The following JPH2 variants were observed in gnomAD, a reference collection of about 807,000 sequenced individuals.
The protein encoded by JPH2 is junctophilin-2.
In JPH2, 38 loss-of-function variants were observed where a neutral mutation model predicts 55.9. The ratio of observed to expected loss-of-function variants is 0.68; its 90% CI spans 0.52 to 0.89. The LOEUF (loss-of-function observed/expected upper bound fraction) is 0.89. JPH2 is among the 40% of genes least tolerant of loss of function. The pLI, the probability that JPH2 is intolerant of heterozygous loss-of-function variation, is 0.00. For synonymous variants in JPH2, 480 were observed against 472.4 expected (o/e 1.02, Z -0.21); for missense variants, 964 against 1,037.6 (o/e 0.93, Z 0.97).
rs1423407845 is a variant in JPH2 at position 44,115,900 on chromosome 20, G to A, written c.1775C>T (p.Ser592Phe). 1.3e-6 allele frequency: 2 copies of A among 1,576,230 alleles called. No individual in the cohort carries two copies. The highest frequency in any genetic ancestry group is 3.5e-5 in the Admixed American group (2 of 56,546). ...EDQPEPEVSG[S>F]ESAPSSPATA... Reference sequence around the variant, plus strand: ...GGCCGGGGACGAGGGCGCGGACTCGGACCCGGAGACCTCGGGCTCGGGCTG... The same window carrying A: ...GGCCGGGGACGAGGGCGCGGACTCGAACCCGGAGACCTCGGGCTCGGGCTG... The change falls in exon 4 of 6, where the codon TCC (serine) becomes TTC (phenylalanine). Residue 592 changes from serine (S) to phenylalanine (F), a missense_variant. By Grantham distance (155) the Ser-to-Phe change is radical. Transcript: ENST00000372980.
In JPH2 at chr20:44,186,907, G is replaced by T. The variant is rs970679327; in HGVS notation, c.-202C>A. On this transcript the variant is annotated 5_prime_UTR_variant, in exon 1 of 6. Coordinates refer to ENST00000372980, the MANE Select transcript of JPH2 (RefSeq NM_020433.5). Reference sequence around the variant, plus strand: ...CACCGGGTCGGCTAGTCAGTGCCATGCCCGGGAGCCCCGACTCCACCAGCC... The same window carrying T: ...CACCGGGTCGGCTAGTCAGTGCCATTCCCGGGAGCCCCGACTCCACCAGCC... The T allele has an allele frequency of 1.6e-6, 1 of 606,288 alleles. No individual in the cohort carries two copies. The highest frequency in any genetic ancestry group is 2.9e-6 in the Non-Finnish European group (1 of 342,848). The allele number at this position is 606,288 out of a possible 1,614,324, so 37.6% of individuals were successfully genotyped here. A position where few individuals can be genotyped will look rare whatever the true frequency, so the allele number is the denominator to read the frequency against.
In JPH2 at chr20:44,160,252, A is replaced by C. The variant is rs1272379812; in HGVS notation, c.535T>G (p.Ser179Ala). ...EHSNGTVAPDSPASPASDGPA... is the reference protein window; with the variant it reads ...EHSNGTVAPDAPASPASDGPA... Reference sequence around the variant, plus strand: ...CCGTCGGAGGCCGGCGAGGCGGGAGAGTCCGGGGCCACCGTGCCGTTGCTG... The same window carrying C: ...CCGTCGGAGGCCGGCGAGGCGGGAGCGTCCGGGGCCACCGTGCCGTTGCTG... Residue 179 changes from serine (S) to alanine (A), a missense_variant, in exon 2 of 6, where the codon TCT becomes GCT. By Grantham distance (99) the Ser-to-Ala change is moderately conservative. Transcript: ENST00000372980. The surrounding 1 kb of genome is among the most constrained non-coding windows in gnomAD (Gnocchi z 4.9). 1 of 1,516,628 alleles carries C rather than the reference A, an allele frequency of 6.6e-7. No individual in the cohort carries two copies. The highest frequency in any genetic ancestry group is 1.4e-5 in the African/African-American group (1 of 70,646). 93.9% of individuals were successfully genotyped at this position (1,516,628 alleles called of 1,614,324 possible). A position where few individuals can be genotyped will look rare whatever the true frequency, so the allele number is the denominator to read the frequency against.
At chr20:44,113,880 A>G (rs2072165626) in intron 5 of JPH2, among the ~76,000 whole-genome samples, 1 of 152,232 alleles carries the variant, frequency 6.6e-6, no homozygotes, top group African/African-American at 2.4e-5. Context: ...GCAGAGCTCA[A>G]GTGTTCACCC....
chr20:44,135,936 G>A (rs2072409918), intron 2 of JPH2, among the ~76,000 whole-genome samples: 1 of 152,230 alleles, frequency 6.6e-6, no homozygotes, highest in African/African-American at 2.4e-5. Context: ...CAGGCCCATT[G>A]TAAGTGCTTG....
intron 5 of JPH2, among the ~76,000 whole-genome samples, chr20:44,114,196 T>C (rs1483383608): frequency 6.6e-6 from 1 of 151,948 alleles, no homozygotes; most frequent in African/African-American, 2.4e-5. Flanking sequence ...CCCAGCTCCA[T>C]CATGGGGAAA....
intron 2 of JPH2, among the ~76,000 whole-genome samples, chr20:44,129,447 A>G (rs537078164): frequency 6.6e-6 from 1 of 150,960 alleles, no homozygotes; most frequent in South Asian, 2.1e-4. Flanking sequence ...CCTAGCTACT[A>G]GAGAGGCTGA....
intron 1 of JPH2, among the ~76,000 whole-genome samples, chr20:44,170,014 G>T (rs773571254): frequency 6.6e-6 from 1 of 152,140 alleles, no homozygotes; most frequent in Admixed American, 6.5e-5. Context: ...AATACATTTT[G>T]TTTCTTATAA....
chr20:44,153,601 A>G (rs2072545898), intron 2 of JPH2, among the ~76,000 whole-genome samples: 1 of 152,184 alleles, frequency 6.6e-6, no homozygotes, highest in Admixed American at 6.5e-5. Flanking sequence ...AAAACCTGAG[A>G]TGCTCCAAAC....
rs963032906 is a variant in JPH2 at position 44,115,530 on chromosome 20, C to T, written c.2010+135G>A. On this transcript the variant is annotated intron_variant, in intron 4 of 5. Transcript: ENST00000372980. Reference sequence around the variant, plus strand: ...GCTCCCCTAATCCCCAGCCCTGCAGCATTTCCTCCTGCTCTATCCTGCTTC... The same window carrying T: ...GCTCCCCTAATCCCCAGCCCTGCAGTATTTCCTCCTGCTCTATCCTGCTTC... The T allele has an allele frequency of 2.0e-5, 24 of 1,224,990 alleles. No individual in the cohort carries two copies. In the Admixed American group the frequency reaches 2.9e-4, roughly 15 times the overall value. The allele number at this position is 1,224,990 out of a possible 1,614,324, so 75.9% of individuals were successfully genotyped here.
At chr20:44,184,746 T>G (rs2072817756) in intron 1 of JPH2, among the ~76,000 whole-genome samples, 1 of 152,162 alleles carries the variant, frequency 6.6e-6, no homozygotes, top group Admixed American at 6.5e-5. Context: ...TTCTGAGCCT[T>G]TGTCTTCACT....
rs567981046 is a variant in JPH2, at chr20:44,108,873, T to C, written c.*4645A>G. ...TCACGACACTCTCTCCAGACCTGTT[T>C]CCCCATATGAAAAACAGGGGGCCAG... On this transcript the variant is annotated 3_prime_UTR_variant, in exon 6 of 6. Transcript: ENST00000372980. Among the ~76,000 whole-genome samples, 1 of 152,246 alleles carries C rather than the reference T, an allele frequency of 6.6e-6. No homozygotes were observed. The highest frequency in any genetic ancestry group is 1.9e-4 in the East Asian group (1 of 5,180).
chr20:44,154,979 G>A (rs1444351676), intron 2 of JPH2, among the ~76,000 whole-genome samples: 3 of 151,838 alleles, frequency 2.0e-5, no homozygotes, highest in Non-Finnish European at 2.9e-5. Context: ...CTCACTTCCC[G>A]GCTGTGGGCC....
intron 2 of JPH2, among the ~76,000 whole-genome samples, chr20:44,123,935 T>G (rs1224300920): frequency 6.6e-6 from 1 of 152,128 alleles, no homozygotes; most frequent in Non-Finnish European, 1.5e-5. Flanking sequence ...ATCAAGGCCC[T>G]GCTGGGGAAA....
chr20:44,157,274 C>A (rs942853845), intron 2 of JPH2, among the ~76,000 whole-genome samples: 1 of 152,160 alleles, frequency 6.6e-6, no homozygotes, highest in Admixed American at 6.5e-5. Flanking sequence ...AGCTGTCCAG[C>A]CCTAGTCAAG....
rs1227598771 is a variant in JPH2 at position 44,108,888 on chromosome 20, CAG to C, written c.*4628_*4629del. Reference sequence around the variant, plus strand: ...CAGACCTGTTTCCCCATATGAAAAACAGGGGGCCAGATGAGCTGATATCTTAG... The same window carrying C: ...CAGACCTGTTTCCCCATATGAAAAACGGGGCCAGATGAGCTGATATCTTAG... On this transcript the variant is annotated 3_prime_UTR_variant, in exon 6 of 6. Coordinates refer to ENST00000372980, the MANE Select transcript of JPH2 (RefSeq NM_020433.5). Among the ~76,000 whole-genome samples, 7 of 152,198 alleles carry C rather than the reference CAG, an allele frequency of 4.6e-5. No individual in the cohort carries two copies. Among genetic ancestry groups the C allele is most frequent in the Admixed American group, 1.3e-4 (2 of 15,278 alleles).
chr20:44,108,371 AATT>A lies in JPH2; in HGVS notation c.*5144_*5146del, dbSNP rs2072120848. Among the ~76,000 whole-genome samples the A allele has an allele frequency of 1.3e-5, 2 of 151,938 alleles. No homozygotes were observed. Among genetic ancestry groups the A allele is most frequent in the Admixed American group, 1.3e-4 (2 of 15,244 alleles). The stretch of plus-strand genomic sequence containing the variant: ...GTGAGTTCTGTGAGTCTTTCTAGTG[AATT>A]ATTGAGTATGAGGATAATCATAGGA... On this transcript the variant is annotated 3_prime_UTR_variant, in exon 6 of 6. Coordinates refer to ENST00000372980, the MANE Select transcript of JPH2 (RefSeq NM_020433.5).
Position 44,159,929 on chromosome 20 carries a change from G to A in JPH2, c.858C>T (p.Thr286=). The A allele has an allele frequency of 6.4e-7, 1 of 1,562,804 alleles. No individual in the cohort carries two copies. Among genetic ancestry groups the A allele is most frequent in the Non-Finnish European group, 8.6e-7 (1 of 1,158,256 alleles). ...AAPFEADIDA[T]TTETYMGEWK... ...ACTCGCCCATGTAGGTCTCGGTGGTGGTGGCGTCGATATCGGCCTCGAAGG... is the reference window on the plus strand; with the variant it reads ...ACTCGCCCATGTAGGTCTCGGTGGTAGTGGCGTCGATATCGGCCTCGAAGG... Residue 286 remains threonine (T), a synonymous_variant, in exon 2 of 6, where the codon ACC becomes ACT. Transcript: ENST00000372980. This position sits in a 1 kb window ranked among gnomAD's most constrained non-coding sequence, Gnocchi z 5.7.
At chr20:44,121,918 G>A (rs1389077980) in intron 2 of JPH2, among the ~76,000 whole-genome samples, 2 of 152,060 alleles carry the variant, frequency 1.3e-5, no homozygotes, top group Admixed American at 6.6e-5. Context: ...GATTGCTTGA[G>A]CCCAGGAGAT....
intron 1 of JPH2, among the ~76,000 whole-genome samples, chr20:44,164,244 G>T (rs755353828): frequency 6.6e-6 from 1 of 152,182 alleles, no homozygotes; most frequent in African/African-American, 2.4e-5. Context: ...CCAACAGGTC[G>T]CATTTCCCAA....
Sources: allele counts gnomAD v4.1 joint callset (sites outside exome capture counted in the v4.1 genomes callset), GRCh38; gene constraint gnomAD v4.1.1; non-coding constraint Gnocchi (gnomAD v3.1); transcripts MANE v1.5; gene names NCBI Gene and HGNC (gene_info 2026-07-23, HGNC 2026-07-21).